Variants in HOXD3 observed in about 807,000 individuals in gnomAD.
HOXD3 encodes the protein homeobox D3.
A neutral mutation model predicts 32.8 loss-of-function variants in HOXD3; 13 were observed. The observed-to-expected ratio is 0.40, with a 90% CI of 0.26 to 0.63. HOXD3 has a LOEUF of 0.63. Among genes scored for constraint, HOXD3 ranks in the 20% least tolerant of loss-of-function variants. The pLI, the probability that HOXD3 is intolerant of heterozygous loss-of-function variation, is 0.44. For synonymous variants in HOXD3, 241 were observed against 246.8 expected, an observed-to-expected ratio of 0.98 and a Z score of 0.22; for missense variants, 504 against 577.1, an observed-to-expected ratio of 0.87 and a Z score of 1.30.
chr2:176,155,116 C>G (rs539959818), upstream of HOXD3, among the ~76,000 whole-genome samples: 1 of 152,088 alleles, frequency 6.6e-6, no homozygotes, highest in Non-Finnish European at 1.5e-5. Context: ...TTGGATGTAC[C>G]ATTTGAAAGG....
At position 176,171,761 on chromosome 2, in the gene HOXD3, G is replaced by A. The variant is rs747486506; in HGVS notation, c.786G>A (p.Pro262=). 3.7e-6 allele frequency: 6 copies of A among 1,613,766 alleles called. No homozygotes were observed. Among genetic ancestry groups the A allele is most frequent in the Admixed American group, 1.7e-5 (1 of 60,006 alleles). Residue 262 remains proline (P), a synonymous_variant, in exon 4 of 4, where the codon CCG becomes CCA. Transcript: ENST00000683222. ...AGGCCAAGGGCATCCTGCACTCGCC[G>A]GCTAGCCAGTCCCCTGAGCGCAGCC... ...DQKAKGILHS[P]ASQSPERSPP...
Position 176,172,898 on chromosome 2 carries a change from G to T in HOXD3, c.*624G>T, listed in dbSNP as rs949140155. 6.5e-6 allele frequency: 1 copy of T among 152,750 alleles called. No homozygotes were observed. Among genetic ancestry groups the T allele is most frequent in the African/African-American group, 2.4e-5 (1 of 41,448 alleles). 9.5% of individuals were successfully genotyped at this position (152,750 alleles called of 1,614,324 possible). On this transcript the variant is annotated 3_prime_UTR_variant, in exon 4 of 4. Transcript: ENST00000683222. ...GTTGAGAGAGTAGTTTTGAACAGTC[G>T]TAACCGTGGCTGGTGTTTGTAGTTG...
At position 176,166,266 on chromosome 2, in the gene HOXD3, A is replaced by G. The variant is rs1482812655; in HGVS notation, c.-85+2098A>G. 3.9e-5 allele frequency among the ~76,000 whole-genome samples: 6 copies of G among 152,344 alleles called. 1 individual carries two copies. The highest frequency in any genetic ancestry group is 1.4e-4 in the African/African-American group (6 of 41,574). On this transcript the variant is annotated intron_variant, in intron 2 of 3. Coordinates refer to ENST00000683222, the MANE Select transcript of HOXD3 (RefSeq NM_006898.5). ...TGCCATAGAAGCAAATATATATATA[A>G]AGCCATCTGTCCCAGAAGAACTGGT...
intron 1 of HOXD3, among the ~76,000 whole-genome samples, chr2:176,161,974 C>T (rs1453054957): frequency 6.6e-6 from 1 of 152,188 alleles, no homozygotes; most frequent in African/African-American, 2.4e-5. Flanking sequence ...GCTCCAGGAG[C>T]TCCAGTGAGT....
At position 176,172,121 on chromosome 2, in the gene HOXD3, G is replaced by A. The variant is rs1202475687; in HGVS notation, c.1146G>A (p.Pro382=). The A allele has an allele frequency of 3.1e-6, 5 of 1,613,016 alleles. No homozygotes were observed. The highest frequency in any genetic ancestry group is 1.3e-5 in the African/African-American group (1 of 75,064). ...TCAACCTGGGCCACCTCTCGCACCC[G>A]TCGTCGGCCAGCGTGGACTACAGTT... ...PVFNLGHLSH[P]SSASVDYSCA... is the part of the protein sequence containing the mutation. Residue 382 remains proline, a synonymous_variant, in exon 4 of 4, where the codon CCG becomes CCA. Transcript: ENST00000683222.
At chr2:176,161,632 T>G (rs528088543) in intron 1 of HOXD3, among the ~76,000 whole-genome samples, 38 of 152,158 alleles carry the variant, frequency 2.5e-4, no homozygotes, top group Non-Finnish European at 4.7e-4. Flanking sequence ...AGCCTTTACC[T>G]CTTGCTGTTG....
rs779014581 is a variant in HOXD3, at chr2:176,172,051, G to T, written c.1076G>T (p.Gly359Val). ...TTGCAGGGCAGCCCGGTGTACGTGG[G>T]CGGCAACTTCGTCGAGTCCATGGCG... ...ANLQGSPVYVGGNFVESMAPA... is the reference protein window; with the variant it reads ...ANLQGSPVYVVGNFVESMAPA... The change falls in exon 4 of 4, where the codon GGC becomes GTC. Residue 359 changes from glycine to valine, a missense_variant. This residue lies in a region of HOXD3 where 226 missense variants were observed against 246.9 expected (regional missense o/e 0.92). Transcript: ENST00000683222. 3.1e-6 allele frequency: 5 copies of T among 1,609,066 alleles called. No individual in the cohort carries two copies. The highest frequency in any genetic ancestry group is 4.2e-6 in the Non-Finnish European group (5 of 1,179,110).
At chr2:176,158,275 G>T (rs1690692330) in intron 1 of HOXD3, among the ~76,000 whole-genome samples, 1 of 152,212 alleles carries the variant, frequency 6.6e-6, no homozygotes, top group Admixed American at 6.5e-5. Context: ...TGGGGGAGAG[G>T]CCAGTGCGGG....
At chr2:176,157,771 T>C (rs993329640) in intron 1 of HOXD3, among the ~76,000 whole-genome samples, 7 of 151,754 alleles carry the variant, frequency 4.6e-5, no homozygotes, top group Non-Finnish European at 7.4e-5. Context: ...GGGCGAGGGG[T>C]GAGGGGCGAG....
chr2:176,159,259 G>A (rs1188527539), intron 1 of HOXD3, among the ~76,000 whole-genome samples: 1 of 152,112 alleles, frequency 6.6e-6, no homozygotes, highest in Non-Finnish European at 1.5e-5. Flanking sequence ...GGTCACCCAC[G>A]ATCCGGCTTC....
intron 3 of HOXD3, among the ~76,000 whole-genome samples, chr2:176,170,499 CT>C (rs1225976974): frequency 6.6e-6 from 1 of 152,160 alleles, no homozygotes; most frequent in Non-Finnish European, 1.5e-5. Context: ...CTTCTCTCTG[CT>C]TAGACTGCTT....
At position 176,172,459 on chromosome 2, in the gene HOXD3, T is replaced by G. The variant is rs1484472991; in HGVS notation, c.*185T>G. The G allele has an allele frequency of 3.4e-6, 2 of 591,716 alleles. No individual in the cohort carries two copies. The highest frequency in any genetic ancestry group is 3.7e-5 in the African/African-American group (2 of 53,522). 36.7% of individuals were successfully genotyped at this position (591,716 alleles called of 1,614,324 possible). On this transcript the variant is annotated 3_prime_UTR_variant, in exon 4 of 4. Coordinates refer to ENST00000683222, the MANE Select transcript of HOXD3 (RefSeq NM_006898.5). ...CCGGGCCTCCCCTCCATGGGCGTCC[T>G]TTGGGTGACTCGCCATAAATCAGCC...
intron 1 of HOXD3, among the ~76,000 whole-genome samples, chr2:176,159,498 G>A (rs1276149108): frequency 1.3e-5 from 2 of 152,224 alleles, no homozygotes; most frequent in East Asian, 1.9e-4. Context: ...TGATGCCGCT[G>A]AGCAGAGCTG....
At chr2:176,166,516 A>T (rs934724420) in intron 2 of HOXD3, among the ~76,000 whole-genome samples, 13 of 152,222 alleles carry the variant, frequency 8.5e-5, no homozygotes, top group African/African-American at 2.4e-4. Flanking sequence ...CCAAATCCAG[A>T]GTGCCTCTTT....
At position 176,169,427 on chromosome 2, in the gene HOXD3, A is replaced by AGGAGGT; in HGVS notation, c.314_315insGAGGTG (p.Ser105delinsArgArgCys). The AGGAGGT allele has an allele frequency of 6.2e-7, 1 of 1,613,626 alleles. No individual in the cohort carries two copies. Among genetic ancestry groups the AGGAGGT allele is most frequent in the Non-Finnish European group, 8.5e-7 (1 of 1,179,800 alleles). On this transcript the variant is annotated protein_altering_variant, in exon 3 of 4. Transcript: ENST00000683222. Reference sequence around the variant, plus strand: ...GAACAGCCAGGGTGGGGGTGGTGGCAGCCAGCCTCCTGGTCTGAACTCAGA... The same window carrying AGGAGGT: ...GAACAGCCAGGGTGGGGGTGGTGGCAGGAGGTGCCAGCCTCCTGGTCTGAACTCAGA...
At chr2:176,161,157 T>A (rs1690790231) in intron 1 of HOXD3, 1 of 152,192 alleles carries the variant, frequency 6.6e-6, no homozygotes, top group Non-Finnish European at 1.5e-5. Flanking sequence ...TTAAATATGA[T>A]TTATTTTGTG....
At position 176,172,436 on chromosome 2, in the gene HOXD3, G is replaced by A. The variant is rs1691229043; in HGVS notation, c.*162G>A. The A allele has an allele frequency of 1.6e-6, 1 of 643,924 alleles. No homozygotes were observed. Among genetic ancestry groups the A allele is most frequent in the East Asian group, 2.8e-5 (1 of 35,662 alleles). The allele number at this position is 643,924 out of a possible 1,614,324, so 39.9% of individuals were successfully genotyped here. ...TCCAGCGGCGGAGGCGCAGGCGACC[G>A]GGCCTCCCCTCCATGGGCGTCCTTT... On this transcript the variant is annotated 3_prime_UTR_variant, in exon 4 of 4. Coordinates refer to ENST00000683222, the MANE Select transcript of HOXD3 (RefSeq NM_006898.5).
upstream of HOXD3, among the ~76,000 whole-genome samples, chr2:176,156,571 C>T (rs1253729567): frequency 2.0e-5 from 3 of 152,118 alleles, no homozygotes; most frequent in African/African-American, 7.2e-5. Context: ...GACCTGACCC[C>T]CGGGCCTCCA....
chr2:176,152,908 C>G, upstream of HOXD3: 1 of 1,614,198 alleles, frequency 6.2e-7, no homozygotes, highest in Non-Finnish European at 8.5e-7. The surrounding 1 kb of genome is among the most constrained non-coding windows in gnomAD (Gnocchi z 5.2). Flanking sequence ...CAGCCGATGG[C>G]CAAAGACCAC....
Sources: gnomAD v4.1 joint callset for allele counts (sites outside exome capture counted in the v4.1 genomes callset) on GRCh38, gnomAD v4.1.1 for gene constraint, gnomAD v4.1.1 regional missense constraint, Gnocchi (gnomAD v3.1) non-coding constraint, MANE v1.5 for transcripts, NCBI Gene and HGNC (gene_info 2026-07-23, HGNC 2026-07-21) for gene names.